SMO: variants seen among roughly 807,000 people sequenced by gnomAD.
SMO encodes protein smoothened.
Under a neutral mutation model 81.6 loss-of-function variants are expected in SMO, and 40 were observed. That is an observed-to-expected ratio of 0.49 (90% CI 0.38 to 0.64). The LOEUF (loss-of-function observed/expected upper bound fraction) is 0.64. SMO is among the 30% of genes least tolerant of loss of function. SMO has a pLI of 0.00. For missense variants in SMO, 916 were observed against 1,061.1 expected (o/e 0.86, Z 1.90); for synonymous variants, 434 against 432.1 (o/e 1.00, Z -0.05).
Position 129,205,241 on chromosome 7 carries a change from G to A in SMO, c.576G>A (p.Gln192=), listed in dbSNP as rs770138808. 6.8e-6 allele frequency: 11 copies of A among 1,614,112 alleles called. No homozygotes were observed. Among genetic ancestry groups the A allele is most frequent in the Non-Finnish European group, 9.3e-6 (11 of 1,180,058 alleles). ...VQNIKFNSSG[Q]CEVPLVRTDN... is the part of the protein sequence containing the mutation. ...ACATCAAGTTCAACAGTTCAGGCCAGTGCGAAGTGCCCTTGGTTCGGACAG... is the reference window on the plus strand; with the variant it reads ...ACATCAAGTTCAACAGTTCAGGCCAATGCGAAGTGCCCTTGGTTCGGACAG... Residue 192 remains glutamine, a synonymous_variant, in exon 3 of 12, where the codon CAG becomes CAA. Transcript: ENST00000249373.
rs1486839193 is a variant in SMO at position 129,211,633 on chromosome 7, C to T, written c.1802-3C>T. The T allele has an allele frequency of 1.9e-6, 3 of 1,612,514 alleles. No individual in the cohort carries two copies. The South Asian group carries it at 3.3e-5, about 18-fold the overall frequency. ...TCTCCTTTCCTTCCTTCCATTCCCA[C>T]AGCGGGCTTGGCCTTTGACCTCAAT... On this transcript the variant is annotated splice_polypyrimidine_tract_variant and splice_region_variant and intron_variant, in intron 10 of 11. Coordinates refer to ENST00000249373, the MANE Select transcript of SMO (RefSeq NM_005631.5). This position sits in a 1 kb window ranked among gnomAD's most constrained non-coding sequence, Gnocchi z 4.6.
chr7:129,209,599 C>A (rs71577822), intron 8 of SMO, among the ~76,000 whole-genome samples: 7 of 152,210 alleles, frequency 4.6e-5, no homozygotes, highest in Non-Finnish European at 7.3e-5. Context: ...CTTCTCACCT[C>A]TGCCCTTCCC....
intron 1 of SMO, among the ~76,000 whole-genome samples, chr7:129,200,021 T>C (rs996411394): frequency 6.6e-6 from 1 of 152,242 alleles, no homozygotes; most frequent in Non-Finnish European, 1.5e-5. Flanking sequence ...TTACTTTTCT[T>C]ATGATTTTTG....
At chr7:129,201,671 G>A (rs966332620) in intron 1 of SMO, among the ~76,000 whole-genome samples, 5 of 151,798 alleles carry the variant, frequency 3.3e-5, no homozygotes, top group African/African-American at 1.2e-4. Context: ...CTGTTTTTGG[G>A]TTTTTTGTTT....
In SMO at chr7:129,206,084, G is replaced by T. The variant is rs1295985649; in HGVS notation, c.921-66G>T. 3 of 1,309,310 alleles carry T rather than the reference G, an allele frequency of 2.3e-6. No homozygotes were observed. In the Admixed American group the frequency reaches 6.0e-5, roughly 26 times the overall value. 81.1% of individuals were successfully genotyped at this position (1,309,310 alleles called of 1,614,324 possible). ...CAGCAGCTGAGGGTCTGGGCACAGGGTGGGGAGACCAGGTAGAGGGAGTAC... is the reference window on the plus strand; with the variant it reads ...CAGCAGCTGAGGGTCTGGGCACAGGTTGGGGAGACCAGGTAGAGGGAGTAC... On this transcript the variant is annotated intron_variant, in intron 4 of 11. Coordinates refer to ENST00000249373, the MANE Select transcript of SMO (RefSeq NM_005631.5). The surrounding 1 kb of genome is among the most constrained non-coding windows in gnomAD (Gnocchi z 4.4).
intron 3 of SMO, 97 bp downstream of exon 3, chr7:129,205,509 CAGGG>C (rs1793749621): frequency 9.2e-6 from 14 of 1,525,708 alleles, no homozygotes; most frequent in Non-Finnish European, 1.3e-5. Context: ...TGGGGGTCCC[CAGGG>C]AAGGGTCATG....
chr7:129,205,522 T>C, intron 3 of SMO, 88 bp from the exon 4 acceptor site: 1 of 1,523,432 alleles, frequency 6.6e-7, no homozygotes, highest in Non-Finnish European at 9.1e-7. Flanking sequence ...GGAAGGGTCA[T>C]GATCAGAAGG....
chr7:129,193,615 T>C (rs1793510585), intron 1 of SMO, among the ~76,000 whole-genome samples: 1 of 150,072 alleles, frequency 6.7e-6, no homozygotes, highest in African/African-American at 2.5e-5. Flanking sequence ...AAAAATTAGT[T>C]GGGCATGGTG....
rs2150649686 is a variant in SMO, at chr7:129,206,093, C to G, written c.921-57C>G. The G allele has an allele frequency of 7.3e-7, 1 of 1,364,218 alleles. No individual in the cohort carries two copies. The highest frequency in any genetic ancestry group is 1.4e-5 in the African/African-American group (1 of 69,394). The allele number at this position is 1,364,218 out of a possible 1,614,324, so 84.5% of individuals were successfully genotyped here. A position where few individuals can be genotyped will look rare whatever the true frequency, so the allele number is the denominator to read the frequency against. Reference sequence around the variant, plus strand: ...AGGGTCTGGGCACAGGGTGGGGAGACCAGGTAGAGGGAGTACAGAGTGACC... The same window carrying G: ...AGGGTCTGGGCACAGGGTGGGGAGAGCAGGTAGAGGGAGTACAGAGTGACC... On this transcript the variant is annotated intron_variant, in intron 4 of 11. Coordinates refer to ENST00000249373, the MANE Select transcript of SMO (RefSeq NM_005631.5). The surrounding 1 kb of genome is among the most constrained non-coding windows in gnomAD (Gnocchi z 4.4).
Position 129,194,015 on chromosome 7 carries a change from G to A in SMO, c.331+4533G>A, listed in dbSNP as rs142652343. Among the ~76,000 whole-genome samples the A allele has an allele frequency of 7.9e-4, 118 of 150,296 alleles. 1 individual carries two copies. Among genetic ancestry groups the A allele is most frequent in the Non-Finnish European group, 1.4e-3 (98 of 67,714 alleles). On this transcript the variant is annotated intron_variant, in intron 1 of 11. Coordinates refer to ENST00000249373, the MANE Select transcript of SMO (RefSeq NM_005631.5). ...CACTGGAGGCTGAGGCAAAAGGATCGCTTGAACCCAAGAGGTTGAGGCTGC... is the reference window on the plus strand; with the variant it reads ...CACTGGAGGCTGAGGCAAAAGGATCACTTGAACCCAAGAGGTTGAGGCTGC...
In SMO at chr7:129,203,518, A is replaced by G. The variant is rs749414966; in HGVS notation, c.466A>G (p.Ile156Val). Residue 156 changes from isoleucine (I) to valine (V), a missense_variant, in exon 2 of 12, where the codon ATC becomes GTC. Physicochemically the swap from Ile to Val is conservative, Grantham distance 29 (BLOSUM62 3). Around this residue, in one of 4 missense-constraint regions of SMO, gnomAD observed 436 missense variants for 570.9 expected, o/e 0.76. Coordinates refer to ENST00000249373, the MANE Select transcript of SMO (RefSeq NM_005631.5). ...CCAGGCCACCCGAGGCCCCTGTGCC[A>G]TCGTGGAGAGGGAGCGGGGCTGGCC... The part of the protein sequence containing the change: ...LCQATRGPCA[I>V]VERERGWPDF... The G allele has an allele frequency of 3.1e-6, 5 of 1,608,136 alleles. No homozygotes were observed. The highest frequency in any genetic ancestry group is 1.7e-5 in the Admixed American group (1 of 59,818).
At chr7:129,201,847 AT>A (rs1361172283) in intron 1 of SMO, among the ~76,000 whole-genome samples, 2 of 151,786 alleles carry the variant, frequency 1.3e-5, no homozygotes, top group African/African-American at 4.8e-5. Context: ...CGACCGGCTA[AT>A]TTTTGTATTT....
intron 6 of SMO, among the ~76,000 whole-genome samples, chr7:129,207,753 C>T (rs1793797260): frequency 6.6e-6 from 1 of 152,064 alleles, no homozygotes; most frequent in African/African-American, 2.4e-5. Context: ...GTTGCCTGGG[C>T]AGGGTGGCAC....
At chr7:129,202,289 AAGAGTGG>A (rs1205950015) in intron 1 of SMO, among the ~76,000 whole-genome samples, 1 of 152,168 alleles carries the variant, frequency 6.6e-6, no homozygotes, top group Non-Finnish European at 1.5e-5. Context: ...ACAGCCAGGA[AAGAGTGG>A]AGCCAAGATT....
rs61740964 is a variant in SMO, at chr7:129,211,044, G to A, written c.1732G>A (p.Glu578Lys). 8.1e-6 allele frequency: 13 copies of A among 1,613,944 alleles called. No individual in the cohort carries two copies. The highest frequency in any genetic ancestry group is 6.7e-5 in the African/African-American group (5 of 74,938). ...TGCCAAGGCCTTCTCTAAGCGGCAC[G>A]AGCTCCTGCAGAACCCAGGCCAGGA... ...MIAKAFSKRHELLQNPGQELS... is the reference protein window; with the variant it reads ...MIAKAFSKRHKLLQNPGQELS... Residue 578 changes from glutamate to lysine, a missense_variant, in exon 10 of 12, where the codon GAG becomes AAG. Physicochemically the swap from Glu to Lys is moderately conservative, Grantham distance 56 (BLOSUM62 1). Coordinates refer to ENST00000249373, the MANE Select transcript of SMO (RefSeq NM_005631.5). This position sits in a 1 kb window ranked among gnomAD's most constrained non-coding sequence, Gnocchi z 4.6.
intron 8 of SMO, 38 bp downstream of exon 8, chr7:129,209,435 G>A (rs2150653077): frequency 2.1e-6 from 3 of 1,429,978 alleles, no homozygotes; most frequent in Non-Finnish European, 2.0e-6. Context: ...GCTGGGAGCT[G>A]GAGCCAAGGC....
At chr7:129,203,782 T>G (rs1793711820) in intron 2 of SMO, among the ~76,000 whole-genome samples, 193 bp downstream of exon 2, 1 of 152,184 alleles carries the variant, frequency 6.6e-6, no homozygotes, top group African/African-American at 2.4e-5. Context: ...GATTCTCTAT[T>G]TATTTATCAA....
At chr7:129,194,257 T>C (rs1430892184) in intron 1 of SMO, among the ~76,000 whole-genome samples, 1 of 152,156 alleles carries the variant, frequency 6.6e-6, no homozygotes, top group African/African-American at 2.4e-5. Flanking sequence ...GGTCTTGCTG[T>C]GTTGCCCAGG....
Position 129,212,697 on chromosome 7 carries a change from C to T in SMO, c.*246C>T. On this transcript the variant is annotated 3_prime_UTR_variant, in exon 12 of 12. Transcript: ENST00000249373. The surrounding 1 kb of genome is among the most constrained non-coding windows in gnomAD (Gnocchi z 5.0). Reference sequence around the variant, plus strand: ...GCTCAGGGTCCTTGTTTCTGCCCTGCCAGCTGCAGCCTGGTTGGCAGCATC... The same window carrying T: ...GCTCAGGGTCCTTGTTTCTGCCCTGTCAGCTGCAGCCTGGTTGGCAGCATC... The T allele has an allele frequency of 1.8e-6, 1 of 548,608 alleles. No homozygotes were observed. The highest frequency in any genetic ancestry group is 3.2e-6 in the Non-Finnish European group (1 of 308,886). 34.0% of individuals were successfully genotyped at this position (548,608 alleles called of 1,614,324 possible).
Sources: allele counts gnomAD v4.1 joint callset (sites outside exome capture counted in the v4.1 genomes callset), GRCh38; gene constraint gnomAD v4.1.1; regional missense constraint gnomAD v4.1.1; non-coding constraint Gnocchi (gnomAD v3.1); transcripts MANE v1.5; gene names NCBI Gene and HGNC (gene_info 2026-07-23, HGNC 2026-07-21).